FMN1: variants seen among roughly 807,000 people sequenced by gnomAD.
FMN1 encodes the protein formin 1.
In FMN1, 110 loss-of-function variants were observed where a neutral mutation model predicts 132.4. The observed-to-expected ratio is 0.83, with a 90% CI of 0.71 to 0.97. The LOEUF (loss-of-function observed/expected upper bound fraction) is 0.97, where lower values mean the gene tolerates loss of function less well. Among genes scored for constraint, FMN1 ranks in the 50% least tolerant of loss-of-function variants. The probability of loss-of-function intolerance (pLI) is 0.00; values close to 1 mark genes in which losing one functional copy is unlikely to be tolerated. For synonymous variants in FMN1, 722 were observed against 651.7 expected (o/e 1.11, Z -1.64); for missense variants, 1,792 against 1,705.3 (o/e 1.05, Z -0.90).
At position 32,836,696 on chromosome 15, in the gene FMN1, C is replaced by CT. The variant is rs565307952; in HGVS notation, c.3928+20318dup. ...AGCATACATCTCCCTCAGTCTCTCT[C>CT]TTTTTTTTTAGAATGCAAAGTATTT... is the stretch of plus-strand genomic sequence containing the variant. On this transcript the variant is annotated intron_variant, in intron 17 of 20. Coordinates refer to ENST00000616417, the MANE Select transcript of FMN1 (RefSeq NM_001277313.2). Among the ~76,000 whole-genome samples, 131 of 151,316 alleles carry CT rather than the reference C, an allele frequency of 8.7e-4. No individual in the cohort carries two copies. In the South Asian group the frequency reaches 0.02, roughly 24 times the overall value.
intron 7 of FMN1, among the ~76,000 whole-genome samples, chr15:32,989,059 T>TCCACTACAGTTTTC (rs1362652831): frequency 6.6e-6 from 1 of 152,220 alleles, no homozygotes; most frequent in Non-Finnish European, 1.5e-5. Context: ...ACACAGTTTT[T>TCCACTACAGTTTTC]CCACTACAGT....
At chr15:33,008,627 C>A (rs1380669559) in intron 6 of FMN1, among the ~76,000 whole-genome samples, 2 of 152,150 alleles carry the variant, frequency 1.3e-5, no homozygotes, top group Non-Finnish European at 2.9e-5. Flanking sequence ...TGAACTGAGG[C>A]TGAAAGGACA....
intron 6 of FMN1, among the ~76,000 whole-genome samples, chr15:33,013,289 C>A (rs2034840079): frequency 6.6e-6 from 1 of 152,182 alleles, no homozygotes; most frequent in African/African-American, 2.4e-5. Context: ...AATTTCTGTT[C>A]TGTGGAAAGT....
rs377355747 is a variant in FMN1, at chr15:33,030,386, A to G, written c.2162-22311T>C. Among the ~76,000 whole-genome samples the G allele has an allele frequency of 6.9e-4, 105 of 152,336 alleles. 1 individual carries two copies. The highest frequency in any genetic ancestry group is 2.5e-3 in the African/African-American group (103 of 41,576). On this transcript the variant is annotated intron_variant, in intron 6 of 20. Coordinates refer to ENST00000616417, the MANE Select transcript of FMN1 (RefSeq NM_001277313.2). ...GAAAAGTTCATCTTGAAAGTCACAT[A>G]ATGTATTCCTGAATCCCCAAAGAAC...
intron 16 of FMN1, among the ~76,000 whole-genome samples, chr15:32,877,008 G>A (rs1310002777): frequency 2.6e-5 from 4 of 152,190 alleles, no homozygotes; most frequent in African/African-American, 7.2e-5. Context: ...GGTATCGGCT[G>A]GGCATGGTGG....
intron 10 of FMN1, among the ~76,000 whole-genome samples, chr15:32,912,469 CTTAA>C (rs1198445964): frequency 1.3e-5 from 2 of 152,084 alleles, no homozygotes; most frequent in Non-Finnish European, 2.9e-5. Flanking sequence ...GTGCAAAGTA[CTTAA>C]TTAATCTCAT....
chr15:32,963,702 A>C (rs1354718914), intron 9 of FMN1, among the ~76,000 whole-genome samples: 2 of 152,162 alleles, frequency 1.3e-5, no homozygotes, highest in African/African-American at 4.8e-5. Flanking sequence ...TAACCTGTAG[A>C]CTACTTTCAC....
At chr15:32,835,809 G>A (rs1378705350) in intron 17 of FMN1, among the ~76,000 whole-genome samples, 1 of 152,114 alleles carries the variant, frequency 6.6e-6, no homozygotes, top group Non-Finnish European at 1.5e-5. Flanking sequence ...AAGAAAGAAA[G>A]AGCTTTTCAT....
intron 7 of FMN1, among the ~76,000 whole-genome samples, chr15:32,993,804 G>C (rs1299419960): frequency 6.7e-6 from 1 of 150,186 alleles, no homozygotes; most frequent in Non-Finnish European, 1.5e-5. Flanking sequence ...CCCTGTCTTA[G>C]AGCCACTACA....
chr15:33,026,439 C>CA (rs201115791), intron 6 of FMN1, among the ~76,000 whole-genome samples: 3 of 151,594 alleles, frequency 2.0e-5, no homozygotes, highest in Admixed American at 2.0e-4. Context: ...CACACACACA[C>CA]TTCTGTTTAT....
intron 7 of FMN1, among the ~76,000 whole-genome samples, chr15:33,000,137 AG>A (rs2034007932): frequency 6.6e-6 from 1 of 152,192 alleles, no homozygotes; most frequent in Admixed American, 6.5e-5. Flanking sequence ...AACTTCCACG[AG>A]TAACTAAAAG....
intron 4 of FMN1, among the ~76,000 whole-genome samples, chr15:33,097,520 A>T (rs1231436112): frequency 6.6e-6 from 1 of 152,186 alleles, no homozygotes; most frequent in East Asian, 1.9e-4. Context: ...GGACAAGGAA[A>T]AAATATTATG....
At position 33,160,344 on chromosome 15, in the gene FMN1, T is replaced by C. The variant is rs964301946; in HGVS notation, c.-131-5299A>G. Among the ~76,000 whole-genome samples the C allele has an allele frequency of 8.5e-5, 13 of 152,182 alleles. No individual in the cohort carries two copies. In the South Asian group the frequency reaches 1.9e-3, roughly 22 times the overall value. On this transcript the variant is annotated intron_variant, in intron 3 of 20. Coordinates refer to ENST00000616417, the MANE Select transcript of FMN1 (RefSeq NM_001277313.2). ...AACTGGAGGACTGAGCCAAACCAGG[T>C]TGACTAGCTGGTTGTTTCAACAAAA...
chr15:33,165,926 G>A (rs964242560), intron 3 of FMN1, among the ~76,000 whole-genome samples: 29 of 152,254 alleles, frequency 1.9e-4, no homozygotes, highest in African/African-American at 7.0e-4. Flanking sequence ...TTTTTTGGTT[G>A]TTGTTGTTAA....
chr15:33,176,383 A>G (rs542947237), intron 3 of FMN1, among the ~76,000 whole-genome samples: 9 of 152,026 alleles, frequency 5.9e-5, no homozygotes, highest in Admixed American at 3.9e-4. Context: ...GCAGGCACCT[A>G]TAGTCCCAGC....
chr15:33,019,045 G>A (rs111953434), intron 6 of FMN1, among the ~76,000 whole-genome samples: 37 of 152,306 alleles, frequency 2.4e-4, no homozygotes, highest in Middle Eastern at 3.4e-3. Flanking sequence ...GGACCTGAGC[G>A]GGTTACCACT....
At chr15:32,883,509 CAAAA>C (rs60737133) in intron 16 of FMN1, among the ~76,000 whole-genome samples, 4,163 of 24,564 alleles carry the variant, frequency 0.17, no homozygotes, top group Non-Finnish European at 0.23. Flanking sequence ...GAACCTATCT[CAAAA>C]AAAAAAAAAA....
At chr15:32,797,756 A>G (rs2057337018) in intron 19 of FMN1, among the ~76,000 whole-genome samples, 1 of 152,176 alleles carries the variant, frequency 6.6e-6, no homozygotes, top group Non-Finnish European at 1.5e-5. Flanking sequence ...GAAAATACTT[A>G]GAGACTAATA....
chr15:32,837,121 G>A (rs16959442), intron 17 of FMN1: 1 of 225,100 alleles, frequency 4.4e-6, no homozygotes, highest in African/African-American at 2.3e-5. Flanking sequence ...GAGCTGGAAG[G>A]ACCTTCTAAT....
Sources: gnomAD v4.1 joint callset for allele counts (sites outside exome capture counted in the v4.1 genomes callset) on GRCh38, gnomAD v4.1.1 for gene constraint, MANE v1.5 for transcripts, NCBI Gene and HGNC (gene_info 2026-07-23, HGNC 2026-07-21) for gene names.